Variants in THSD7A observed in about 807,000 individuals in gnomAD.
The protein encoded by THSD7A is thrombospondin type 1 domain containing 7A.
In THSD7A, 96 loss-of-function variants were observed where a neutral mutation model predicts 231.3. The observed-to-expected ratio is 0.41, with a 90% CI of 0.35 to 0.49. The LOEUF is 0.49. THSD7A is among the 20% of genes least tolerant of loss of function. THSD7A has a pLI of 0.05. For synonymous variants in THSD7A, 940 were observed against 743.3 expected (o/e 1.26, Z -4.30); for missense variants, 2,290 against 2,070.2 (o/e 1.11, Z -2.06).
intron 1 of THSD7A, among the ~76,000 whole-genome samples, chr7:11,808,833 A>G (rs1479788900): frequency 6.6e-6 from 1 of 152,162 alleles, no homozygotes; most frequent in Non-Finnish European, 1.5e-5. Flanking sequence ...TGGGCAAAAA[A>G]TATATACCTA....
intron 1 of THSD7A, among the ~76,000 whole-genome samples, chr7:11,810,320 T>C (rs1156994371): frequency 6.6e-6 from 1 of 152,188 alleles, no homozygotes; most frequent in African/African-American, 2.4e-5. Context: ...TGCACATCCT[T>C]TGGAGGCCAG....
chr7:11,686,796 A>G (rs1050348548), intron 1 of THSD7A, among the ~76,000 whole-genome samples: 3 of 151,838 alleles, frequency 2.0e-5, no homozygotes, highest in Non-Finnish European at 4.4e-5. Flanking sequence ...ACTTATAGAC[A>G]TAAAGATGGC....
At chr7:11,519,793 A>C (rs2883422) in intron 6 of THSD7A, among the ~76,000 whole-genome samples, 52 of 152,030 alleles carry the variant, frequency 3.4e-4, no homozygotes, top group African/African-American at 1.2e-3. Context: ...ACTTTTCCCC[A>C]AAAAGCTTTC....
chr7:11,668,064 C>A (rs1459726279), intron 1 of THSD7A, among the ~76,000 whole-genome samples: 1 of 152,074 alleles, frequency 6.6e-6, no homozygotes, highest in Non-Finnish European at 1.5e-5. Flanking sequence ...ACAAACTGTG[C>A]CAGGAAGTAC....
At chr7:11,432,186 A>C (rs1784496313) in intron 13 of THSD7A, among the ~76,000 whole-genome samples, 1 of 152,106 alleles carries the variant, frequency 6.6e-6, no homozygotes, top group Non-Finnish European at 1.5e-5. Context: ...GCACTTACTC[A>C]GGTTTCACAA....
At chr7:11,765,015 A>T (rs576819676) in intron 1 of THSD7A, among the ~76,000 whole-genome samples, 4 of 152,276 alleles carry the variant, frequency 2.6e-5, no homozygotes, top group African/African-American at 9.6e-5. Context: ...GTAGACACTG[A>T]TTAAATACTT....
intron 1 of THSD7A, among the ~76,000 whole-genome samples, chr7:11,716,257 C>G (rs1318226303): frequency 6.6e-6 from 1 of 151,576 alleles, no homozygotes; most frequent in Non-Finnish European, 1.5e-5. Context: ...ACTCTCTCCA[C>G]CCATCTTGAA....
chr7:11,831,660 G>T lies in THSD7A; in HGVS notation c.190+97C>A. The T allele has an allele frequency of 3.4e-6, 3 of 874,870 alleles. No homozygotes were observed. The highest frequency in any genetic ancestry group is 3.6e-5 in the East Asian group (1 of 27,896). 54.2% of individuals were successfully genotyped at this position (874,870 alleles called of 1,614,324 possible). On this transcript the variant is annotated intron_variant, in intron 1 of 27. Coordinates refer to ENST00000423059, the MANE Select transcript of THSD7A (RefSeq NM_015204.3). This position sits in a 1 kb window ranked among gnomAD's most constrained non-coding sequence, Gnocchi z 5.0. ...TACCTTAGGATACCAGCATAACCAA[G>T]CCATCCAAAAGCACCGGGGTCCCTA... is the stretch of plus-strand genomic sequence containing the variant.
intron 1 of THSD7A, among the ~76,000 whole-genome samples, chr7:11,663,004 T>G (rs1019676855): frequency 6.6e-6 from 1 of 150,722 alleles, no homozygotes; most frequent in Admixed American, 6.6e-5. Context: ...TATAAAGAAA[T>G]TAGAAGAGAA....
chr7:11,468,625 G>A (rs1785806064), intron 9 of THSD7A, among the ~76,000 whole-genome samples: 1 of 152,106 alleles, frequency 6.6e-6, no homozygotes, highest in South Asian at 2.1e-4. Flanking sequence ...CTTGAGGCCA[G>A]GAGTTCTAGA....
At chr7:11,560,988 A>G (rs1357347723) in intron 4 of THSD7A, among the ~76,000 whole-genome samples, 1 of 152,182 alleles carries the variant, frequency 6.6e-6, no homozygotes, top group Non-Finnish European at 1.5e-5. Flanking sequence ...AAGTTATTTA[A>G]TTCTTATAAA....
intron 6 of THSD7A, among the ~76,000 whole-genome samples, chr7:11,509,056 AAT>A (rs1451374930): frequency 2.0e-5 from 3 of 152,238 alleles, no homozygotes; most frequent in African/African-American, 7.2e-5. Context: ...TATGCTTAAA[AAT>A]ATGAGGGTAT....
At chr7:11,574,270 T>C (rs927455634) in intron 4 of THSD7A, among the ~76,000 whole-genome samples, 2 of 152,154 alleles carry the variant, frequency 1.3e-5, no homozygotes, top group African/African-American at 4.8e-5. Flanking sequence ...TTTTTCTCCT[T>C]CCATTAAAGT....
intron 1 of THSD7A, among the ~76,000 whole-genome samples, chr7:11,749,036 G>C (rs1782412527): frequency 6.6e-6 from 1 of 151,948 alleles, no homozygotes; most frequent in South Asian, 2.1e-4. Context: ...AAATATTATT[G>C]AGAGAGCTTG....
intron 1 of THSD7A, among the ~76,000 whole-genome samples, chr7:11,714,255 A>G (rs931190536): frequency 1.3e-5 from 2 of 151,226 alleles, no homozygotes; most frequent in East Asian, 2.0e-4. Flanking sequence ...GGCAATGTTC[A>G]TAGTGAATTA....
At chr7:11,773,864 A>C (rs1294469974) in intron 1 of THSD7A, among the ~76,000 whole-genome samples, 1 of 152,220 alleles carries the variant, frequency 6.6e-6, no homozygotes, top group East Asian at 1.9e-4. Flanking sequence ...ATTAACAATA[A>C]GAAAAAACAA....
At chr7:11,527,826 T>C (rs949813106) in intron 6 of THSD7A, among the ~76,000 whole-genome samples, 1 of 152,112 alleles carries the variant, frequency 6.6e-6, no homozygotes, top group African/African-American at 2.4e-5. Flanking sequence ...GAAGAGACTT[T>C]ACTGGTTTAA....
At chr7:11,488,171 A>T (rs958345417) in intron 6 of THSD7A, among the ~76,000 whole-genome samples, 1 of 152,160 alleles carries the variant, frequency 6.6e-6, no homozygotes, top group Non-Finnish European at 1.5e-5. Flanking sequence ...AGATCTATAC[A>T]AAATCCGGAG....
chr7:11,718,000 C>T (rs1781201351), intron 1 of THSD7A, among the ~76,000 whole-genome samples: 1 of 151,530 alleles, frequency 6.6e-6, no homozygotes, highest in African/African-American at 2.4e-5. Context: ...AATGACCCTT[C>T]TCAAAACTAA....
Sources: allele counts gnomAD v4.1 joint callset (sites outside exome capture counted in the v4.1 genomes callset), GRCh38; gene constraint gnomAD v4.1.1; non-coding constraint Gnocchi (gnomAD v3.1); transcripts MANE v1.5; gene names NCBI Gene and HGNC (gene_info 2026-07-23, HGNC 2026-07-21).